The following BCOR variants were observed in gnomAD, a reference collection of about 807,000 sequenced individuals.
BCOR encodes the protein BCL-6 corepressor.
In BCOR, 10 loss-of-function variants were observed where a neutral mutation model predicts 86.7. The ratio of observed to expected loss-of-function variants is 0.12; its 90% confidence interval spans 0.07 to 0.20. BCOR has a LOEUF of 0.20. BCOR is among the 10% of genes least tolerant of loss of function. The probability of loss-of-function intolerance (pLI) is 1.00; values close to 1 mark genes in which losing one functional copy is unlikely to be tolerated. For synonymous variants in BCOR, 611 were observed against 609.0 expected, an observed-to-expected ratio of 1.00 and a Z score of -0.05; for missense variants, 1,259 against 1,452.1, an observed-to-expected ratio of 0.87 and a Z score of 2.16.
At position 40,089,462 on chromosome X, in the gene BCOR, C is replaced by A. The variant is rs766824705; in HGVS notation, c.-41+7753G>T. Among the ~76,000 whole-genome samples, 3 of 111,802 alleles carry A rather than the reference C, an allele frequency of 2.7e-5. No individual in the cohort carries two copies. The East Asian group carries it at 8.4e-4, about 31-fold the overall frequency. The stretch of plus-strand genomic sequence containing the variant: ...AGGCCTTATGTACCCAAGAACGAGG[C>A]AAAGAGTGTTTAACACCTATGTTAC... On this transcript the variant is annotated intron_variant, in intron 1 of 14. Transcript: ENST00000378444.
intron 1 of BCOR, among the ~76,000 whole-genome samples, chrX:40,176,319 C>G (rs1490670791): frequency 8.9e-6 from 1 of 112,500 alleles, no homozygotes; most frequent in African/African-American, 3.2e-5. Flanking sequence ...CCGGCTTGCA[C>G]CCCCGCGAGC....
chrX:40,054,315 T>C lies in BCOR; in HGVS notation c.4760A>G (p.Gln1587Arg), dbSNP rs753112982. 2.5e-6 allele frequency: 3 copies of C among 1,203,707 alleles called. No homozygotes were observed. Among genetic ancestry groups the C allele is most frequent in the East Asian group, 5.9e-5 (2 of 33,815 alleles). The change falls in exon 13 of 15, where the codon CAG (glutamine) becomes CGG (arginine). Residue 1587 changes from glutamine to arginine, a missense_variant. Gln to Arg is a conservative substitution (Grantham distance 43, BLOSUM62 1). Around this residue, in one of 7 missense-constraint regions of BCOR, gnomAD observed 137 missense variants for 149.8 expected, o/e 0.91. Transcript: ENST00000378444. The part of the protein sequence containing the change: ...KFLTDYLNDL[Q>R]GRNDDDASGT... ...ACTGGCGTCATCATCATTGCGACCC[T>C]GGAGGTCATTTAAATAATCTGGAGG...
intron 1 of BCOR, among the ~76,000 whole-genome samples, chrX:40,094,211 C>G (rs1008501963): frequency 8.9e-6 from 1 of 111,840 alleles, no homozygotes; most frequent in East Asian, 2.8e-4. Context: ...CTCGCTCACT[C>G]GCAGCTCACA....
intron 1 of BCOR, among the ~76,000 whole-genome samples, chrX:40,089,751 GT>G (rs1426368713): frequency 9.0e-6 from 1 of 111,637 alleles, no homozygotes; most frequent in East Asian, 2.8e-4. Flanking sequence ...TGCCACCCCA[GT>G]TTCGCCACAT....
upstream of BCOR, among the ~76,000 whole-genome samples, chrX:40,102,489 G>C (rs1376380686): frequency 8.8e-6 from 1 of 113,979 alleles, no homozygotes; most frequent in Non-Finnish European, 1.9e-5. Flanking sequence ...TGCTCCTGCA[G>C]ATAAACCCGG....
chrX:40,107,935 T>G (rs1005278789), intron 1 of BCOR, among the ~76,000 whole-genome samples: 1 of 113,623 alleles, frequency 8.8e-6, no homozygotes, highest in African/African-American at 3.2e-5. Flanking sequence ...GTGTGGAGCC[T>G]TCGATTGTCG....
At chrX:40,110,661 C>CTTTTTTTTTTTTT (rs1569182584) in intron 1 of BCOR, among the ~76,000 whole-genome samples, 1 of 24,727 alleles carries the variant, frequency 4.0e-5, no homozygotes. Flanking sequence ...TTCTTTTTTC[C>CTTTTTTTTTTTTT]TTTTTCTTTT....
intron 6 of BCOR, chrX:40,068,168 C>G (rs1602138629): frequency 8.9e-6 from 1 of 111,938 alleles, no homozygotes; most frequent in East Asian, 2.8e-4. Context: ...CTGGAAGCAT[C>G]GCCATGGCAA....
chrX:40,170,768 G>A (rs773489165), intron 1 of BCOR, among the ~76,000 whole-genome samples: 1 of 112,439 alleles, frequency 8.9e-6, no homozygotes, highest in South Asian at 3.6e-4. Flanking sequence ...AACTTATCTC[G>A]AAATGATGTA....
At chrX:40,098,480 G>T (rs1038718628), upstream of BCOR, among the ~76,000 whole-genome samples, 1 of 111,507 alleles carries the variant, frequency 9.0e-6, no homozygotes, top group Non-Finnish European at 1.9e-5. Flanking sequence ...TGGGGGCGGC[G>T]GGGGCGGCTC....
At chrX:40,077,324 GC>G (rs1336272876) in intron 2 of BCOR, 1 of 139,263 alleles carries the variant, frequency 7.2e-6, no homozygotes, top group Admixed American at 7.8e-5. Flanking sequence ...CTACTGCTTA[GC>G]TGCCTCCACC....
At position 40,072,786 on chromosome X, in the gene BCOR, C is replaced by T. The variant is rs527732438; in HGVS notation, c.2560G>A (p.Ala854Thr). ...PALQQHRDFI[A>T]LREELGRISD... Reference sequence around the variant, plus strand: ...ATGCGCCCCAACTCCTCTCTCAGGGCGATGAAATCACGGTGCTGCTGCAGG... The same window carrying T: ...ATGCGCCCCAACTCCTCTCTCAGGGTGATGAAATCACGGTGCTGCTGCAGG... Residue 854 changes from alanine to threonine, a missense_variant, in exon 4 of 15, where the codon GCC becomes ACC. This residue lies in a region of BCOR where 534 missense variants were observed against 594.8 expected (regional missense o/e 0.90). Coordinates refer to ENST00000378444, the MANE Select transcript of BCOR (RefSeq NM_001123385.2). The T allele has an allele frequency of 3.1e-5, 37 of 1,209,891 alleles. 2 individuals carry two copies. In the South Asian group the frequency reaches 4.9e-4, roughly 16 times the overall value.
In BCOR at chrX:40,055,474, A is replaced by G. The variant is rs1483821486; in HGVS notation, c.4635T>C (p.Ile1545=). ...CACCATAAGAGAGAAGTAGTCGGAC[A>G]ATTTCCAAGTGATCGTTCTCAACAG... ...HDAVENDHLE[I]VRLLLSYGAD... Residue 1545 remains isoleucine, a synonymous_variant, in exon 12 of 15, where the codon ATT becomes ATC. Coordinates refer to ENST00000378444, the MANE Select transcript of BCOR (RefSeq NM_001123385.2). 8.3e-7 allele frequency: 1 copy of G among 1,211,903 alleles called. No homozygotes were observed. The highest frequency in any genetic ancestry group is 1.1e-6 in the Non-Finnish European group (1 of 895,453).
intron 1 of BCOR, among the ~76,000 whole-genome samples, chrX:40,095,220 C>A (rs1445419084): frequency 8.9e-6 from 1 of 112,236 alleles, no homozygotes; most frequent in Non-Finnish European, 1.9e-5. Flanking sequence ...AAAACCCACA[C>A]CAGATAACAG....
In BCOR at chrX:40,170,365, T is replaced by G. The variant is rs1938594722; in HGVS notation, c.-41+6642A>C. Among the ~76,000 whole-genome samples the G allele has an allele frequency of 2.7e-5, 3 of 109,956 alleles. No individual in the cohort carries two copies. In the South Asian group the frequency reaches 1.2e-3, roughly 43 times the overall value. ...TTTGTTTTGGTTTTGGTTTTTTTTT[T>G]TTTGAGACGGAGTTTCGCTCTTTTG... On this transcript the variant is annotated intron_variant, in intron 1 of 14. Transcript: ENST00000342274.
At chrX:40,106,237 G>A (rs1018381616) in intron 1 of BCOR, among the ~76,000 whole-genome samples, 5 of 94,406 alleles carry the variant, frequency 5.3e-5, no homozygotes, top group Non-Finnish European at 8.4e-5. Context: ...CCCAGGGCCC[G>A]GCCCGGGAAG....
Position 40,073,551 on chromosome X carries a change from C to T in BCOR, c.1795G>A (p.Gly599Ser), listed in dbSNP as rs774200570. The T allele has an allele frequency of 3.3e-6, 4 of 1,212,146 alleles. No homozygotes were observed. Among genetic ancestry groups the T allele is most frequent in the Middle Eastern group, 2.3e-4 (1 of 4,355 alleles). ...TTGGCAGGAGTGGCCGGGGGCTGGC[C>T]CACGTGCTGAATAACGGATGGTGTG... ...ETTPSVIQHV[G>S]QPPATPAKHS... Residue 599 changes from glycine (G) to serine (S), a missense_variant, in exon 4 of 15, where the codon GGC becomes AGC. Gly to Ser is a moderately conservative substitution (Grantham distance 56). Around this residue, in one of 7 missense-constraint regions of BCOR, gnomAD observed 534 missense variants for 594.8 expected, o/e 0.90. Transcript: ENST00000378444.
rs754187534 is a variant in BCOR, at chrX:40,071,105, G to A, written c.3106C>T (p.Pro1036Ser). Residue 1036 changes from proline to serine, a missense_variant, in exon 6 of 15, where the codon CCA (proline) becomes TCA (serine). Around this residue, in one of 7 missense-constraint regions of BCOR, gnomAD observed 56 missense variants for 106.6 expected, o/e 0.53. Transcript: ENST00000378444. The part of the protein sequence containing the change: ...LEMKEREGGH[P>S]ATKDSEMCKF... Reference sequence around the variant, plus strand: ...CACATCTCGGAGTCTTTGGTTGCTGGGTGGCCACCTTCTCTTTCTTTCATC... The same window carrying A: ...CACATCTCGGAGTCTTTGGTTGCTGAGTGGCCACCTTCTCTTTCTTTCATC... 1.7e-6 allele frequency: 2 copies of A among 1,210,437 alleles called. No individual in the cohort carries two copies. Among genetic ancestry groups the A allele is most frequent in the Non-Finnish European group, 2.2e-6 (2 of 894,871 alleles).
intron 1 of BCOR, among the ~76,000 whole-genome samples, chrX:40,080,421 AC>A (rs1035871361): frequency 9.0e-6 from 1 of 111,299 alleles, no homozygotes; most frequent in African/African-American, 3.3e-5. Context: ...AGCCTGGGCA[AC>A]AAGAGCAAAA....
Sources: gnomAD v4.1 joint callset for allele counts (sites outside exome capture counted in the v4.1 genomes callset) on GRCh38, gnomAD v4.1.1 for gene constraint, gnomAD v4.1.1 regional missense constraint, MANE v1.5 for transcripts, NCBI Gene and HGNC (gene_info 2026-07-23, HGNC 2026-07-21) for gene names.